Variants in PCDH9 observed in about 807,000 individuals in gnomAD.
PCDH9 encodes the protein protocadherin-9.
Under a neutral mutation model 70.6 loss-of-function variants are expected in PCDH9, and 24 were observed. The observed-to-expected ratio is 0.34, with a 90% CI of 0.25 to 0.48. PCDH9 has a LOEUF of 0.48. Ranked by LOEUF, PCDH9 falls within the 20% of genes least tolerant of loss-of-function variation. The pLI is 0.99. For synonymous variants in PCDH9, 562 were observed against 558.5 expected (o/e 1.01, Z -0.09); for missense variants, 1,281 against 1,503.6 (o/e 0.85, Z 2.45).
At chr13:66,467,809 A>G (rs1186586120) in intron 4 of PCDH9, among the ~76,000 whole-genome samples, 1 of 152,110 alleles carries the variant, frequency 6.6e-6, no homozygotes, top group East Asian at 1.9e-4. Context: ...TATAGCAAAA[A>G]TTCTTAAAAT....
At chr13:66,384,925 T>C (rs1005137079) in intron 4 of PCDH9, among the ~76,000 whole-genome samples, 11 of 152,180 alleles carry the variant, frequency 7.2e-5, no homozygotes, top group African/African-American at 2.7e-4. Context: ...TGCCTCGGTC[T>C]CCCAAAGTGC....
intron 3 of PCDH9, among the ~76,000 whole-genome samples, chr13:66,809,626 A>G (rs57325770): frequency 0.017 from 2,546 of 151,810 alleles, 75 homozygotes; most frequent in African/African-American, 0.059. Context: ...GCATGATTAT[A>G]ACAGTTTAGT....
At chr13:66,344,079 T>C (rs1391187294) in intron 4 of PCDH9, among the ~76,000 whole-genome samples, 1 of 152,226 alleles carries the variant, frequency 6.6e-6, no homozygotes, top group Non-Finnish European at 1.5e-5. Flanking sequence ...AAAGTGTAAG[T>C]ATCCTCATTA....
intron 3 of PCDH9, among the ~76,000 whole-genome samples, chr13:66,757,734 G>A (rs148163270): frequency 9.1e-4 from 139 of 152,112 alleles, no homozygotes; most frequent in Middle Eastern, 7.1e-3. Flanking sequence ...GTAATTATTC[G>A]ATATCTTCAT....
chr13:66,358,669 G>A (rs1385582103), intron 4 of PCDH9, among the ~76,000 whole-genome samples: 1 of 151,872 alleles, frequency 6.6e-6, no homozygotes, highest in Non-Finnish European at 1.5e-5. Flanking sequence ...AACTGATGAT[G>A]TAAGAGTAAC....
intron 2 of PCDH9, among the ~76,000 whole-genome samples, chr13:66,926,143 T>C (rs922955479): frequency 2.0e-5 from 3 of 152,118 alleles, no homozygotes; most frequent in South Asian, 2.1e-4. Context: ...AACTACTATA[T>C]AGTGCCTGGA....
chr13:66,866,675 T>TA (rs1205030764), intron 3 of PCDH9, among the ~76,000 whole-genome samples: 6 of 151,924 alleles, frequency 3.9e-5, no homozygotes, highest in Non-Finnish European at 8.8e-5. Flanking sequence ...CGAGCGCCTA[T>TA]AGTCCCAGCT....
chr13:66,786,521 G>A (rs1225253391), intron 3 of PCDH9, among the ~76,000 whole-genome samples: 4 of 152,196 alleles, frequency 2.6e-5, no homozygotes, highest in Admixed American at 2.6e-4. Context: ...TTTTCTCAGT[G>A]ACGTTATTGA....
chr13:66,636,314 G>T (rs2077636643), intron 3 of PCDH9, among the ~76,000 whole-genome samples: 1 of 152,004 alleles, frequency 6.6e-6, no homozygotes, highest in African/African-American at 2.4e-5. Context: ...TTGATATATG[G>T]TATATGGGTT....
intron 2 of PCDH9, among the ~76,000 whole-genome samples, chr13:67,081,804 A>T (rs958776566): frequency 9.9e-5 from 15 of 152,106 alleles, no homozygotes; most frequent in South Asian, 2.1e-4. Flanking sequence ...TTCCTTTCCT[A>T]CTTTCAATTA....
At chr13:66,881,003 A>G (rs1240550086) in intron 3 of PCDH9, among the ~76,000 whole-genome samples, 1 of 152,316 alleles carries the variant, frequency 6.6e-6, no homozygotes, top group East Asian at 1.9e-4. Flanking sequence ...TAAAAAATGA[A>G]AGGTGTTAAT....
At chr13:66,408,050 CTT>C (rs34109335) in intron 4 of PCDH9, among the ~76,000 whole-genome samples, 4 of 132,212 alleles carry the variant, frequency 3.0e-5, no homozygotes, top group Admixed American at 8.0e-5. Flanking sequence ...GCAGGGATCA[CTT>C]TTTTTTTTTT....
chr13:66,459,898 G>C (rs141470101), intron 4 of PCDH9, among the ~76,000 whole-genome samples: 1 of 151,928 alleles, frequency 6.6e-6, no homozygotes, highest in East Asian at 1.9e-4. Context: ...GGAGATGTGC[G>C]ACTGTATTTC....
rs145879468 is a variant in PCDH9, at chr13:66,363,547, TAC to T, written c.3341-58521_3341-58520del. Among the ~76,000 whole-genome samples, 536 of 152,260 alleles carry T rather than the reference TAC, an allele frequency of 3.5e-3. 3 individuals carry two copies. The highest frequency in any genetic ancestry group is 0.012 in the African/African-American group (505 of 41,554). ...TGCAGGGGGTGTTTCACAAAAGGCATACACACAACGTTTAAGGGAGAATTATG... is the reference window on the plus strand; with the variant it reads ...TGCAGGGGGTGTTTCACAAAAGGCATACACAACGTTTAAGGGAGAATTATG... On this transcript the variant is annotated intron_variant, in intron 4 of 4. Transcript: ENST00000377865.
chr13:66,711,664 A>C (rs2078796039), intron 3 of PCDH9, among the ~76,000 whole-genome samples: 1 of 152,190 alleles, frequency 6.6e-6, no homozygotes, highest in South Asian at 2.1e-4. Context: ...AATAATGAAA[A>C]TTAGAGTTAA....
At chr13:66,437,961 C>T (rs115988267) in intron 4 of PCDH9, among the ~76,000 whole-genome samples, 3,581 of 152,074 alleles carry the variant, frequency 0.024, 171 homozygotes, top group African/African-American at 0.082. Flanking sequence ...GGGCTGGGCG[C>T]GGTGGCTCAC....
At chr13:66,319,689 C>A (rs185458485) in intron 4 of PCDH9, among the ~76,000 whole-genome samples, 2 of 152,066 alleles carry the variant, frequency 1.3e-5, no homozygotes, top group Admixed American at 1.3e-4. Context: ...ATGCCTAGAA[C>A]GTTGAAAGAG....
chr13:66,878,104 G>C (rs2081851277), intron 3 of PCDH9, among the ~76,000 whole-genome samples: 1 of 152,000 alleles, frequency 6.6e-6, no homozygotes, highest in South Asian at 2.1e-4. Context: ...GAGTTCTAAG[G>C]GAGAAAAAAG....
intron 4 of PCDH9, among the ~76,000 whole-genome samples, chr13:66,334,834 G>A (rs760531685): frequency 1.8e-4 from 27 of 151,894 alleles, no homozygotes; most frequent in Non-Finnish European, 3.2e-4. Context: ...TCAGATAAAG[G>A]CATGAACTTT....
Sources: allele counts gnomAD v4.1 joint callset (sites outside exome capture counted in the v4.1 genomes callset), GRCh38; gene constraint gnomAD v4.1.1; transcripts MANE v1.5; gene names NCBI Gene and HGNC (gene_info 2026-07-23, HGNC 2026-07-21).